The following WDR37 variants were observed in gnomAD, a reference collection of about 807,000 sequenced individuals.
WDR37 encodes the protein WD repeat-containing protein 37.
WDR37 carries 19 observed loss-of-function variants against 62.9 expected under a neutral mutation model. That is an observed-to-expected ratio of 0.30 (90% CI 0.21 to 0.44). The LOEUF (loss-of-function observed/expected upper bound fraction) is 0.44, where lower values mean the gene tolerates loss of function less well. Ranked by LOEUF, WDR37 falls within the 20% of genes least tolerant of loss-of-function variation. WDR37 has a pLI of 1.00. For missense variants in WDR37, 474 were observed against 657.6 expected (o/e 0.72, Z 3.05); for synonymous variants, 250 against 260.9 (o/e 0.96, Z 0.40).
intron 11 of WDR37, among the ~76,000 whole-genome samples, chr10:1,120,379 G>A (rs11250271): frequency 0.12 from 18,082 of 152,232 alleles, 1,200 homozygotes; most frequent in Middle Eastern, 0.19. Flanking sequence ...CCTCCGAGGG[G>A]CACCCGGGGG....
intron 11 of WDR37, among the ~76,000 whole-genome samples, chr10:1,109,786 T>G (rs1488802646): frequency 6.6e-6 from 1 of 152,216 alleles, no homozygotes; most frequent in African/African-American, 2.4e-5. Flanking sequence ...ACAATGGTAG[T>G]TTTTTAGAGA....
intron 1 of WDR37, among the ~76,000 whole-genome samples, chr10:1,058,409 C>A (rs1337878021): frequency 6.6e-6 from 1 of 152,190 alleles, no homozygotes; most frequent in Non-Finnish European, 1.5e-5. Context: ...TTAGGCTGTT[C>A]ACTTTGGGCA....
At chr10:1,074,077 C>G (rs1833798566) in intron 2 of WDR37, among the ~76,000 whole-genome samples, 1 of 152,192 alleles carries the variant, frequency 6.6e-6, no homozygotes, top group Non-Finnish European at 1.5e-5. Context: ...TAGCCAGTGT[C>G]CCGGGACATG....
chr10:1,132,347 T>C lies in WDR37; in HGVS notation c.*3003T>C, dbSNP rs764407808. The C allele has an allele frequency of 1.0e-4, 16 of 152,386 alleles. No homozygotes were observed. Among genetic ancestry groups the C allele is most frequent in the Non-Finnish European group, 2.1e-4 (14 of 68,050 alleles). The allele number at this position is 152,386 out of a possible 1,614,324, so 9.4% of individuals were successfully genotyped here. On this transcript the variant is annotated 3_prime_UTR_variant, in exon 14 of 14. Coordinates refer to ENST00000263150, the MANE Select transcript of WDR37 (RefSeq NM_014023.4). ...AGTTGTGTTTTGTGTCTGTCTCTTA[T>C]GCTAACATTAAACAATACATAATTA...
intron 13 of WDR37, among the ~76,000 whole-genome samples, chr10:1,126,683 G>A (rs1589128536): frequency 3.3e-5 from 5 of 152,322 alleles, no homozygotes; most frequent in Admixed American, 6.5e-5. Flanking sequence ...TGCTCTGCAC[G>A]GGGTGTGAGC....
intron 1 of WDR37, among the ~76,000 whole-genome samples, chr10:1,058,352 G>T (rs966452678): frequency 6.6e-6 from 1 of 152,228 alleles, no homozygotes; most frequent in African/African-American, 2.4e-5. Flanking sequence ...GTATACAGGA[G>T]ATCTTGAGTG....
intron 13 of WDR37, among the ~76,000 whole-genome samples, chr10:1,125,304 C>T (rs1379762808): frequency 6.6e-6 from 1 of 152,064 alleles, no homozygotes; most frequent in East Asian, 1.9e-4. Flanking sequence ...CTCTGTCTCC[C>T]AGGTTCAAGC....
intron 7 of WDR37, among the ~76,000 whole-genome samples, chr10:1,092,872 CAAAAAAAAA>C (rs56220560): frequency 4.8e-5 from 2 of 41,970 alleles, no homozygotes; most frequent in East Asian, 9.6e-4. Flanking sequence ...CCCTATCTCA[CAAAAAAAAA>C]AAAAAAAAAA....
chr10:1,066,198 C>G (rs1321256609), intron 1 of WDR37, among the ~76,000 whole-genome samples: 1 of 152,148 alleles, frequency 6.6e-6, no homozygotes, highest in Non-Finnish European at 1.5e-5. Context: ...TCACTGCAAC[C>G]TCCGCCTCCC....
Position 1,083,981 on chromosome 10 carries a change from TTAGC to T in WDR37, c.397-419_397-416del, listed in dbSNP as rs1834113545. 2.0e-5 allele frequency among the ~76,000 whole-genome samples: 3 copies of T among 152,366 alleles called. No individual in the cohort carries two copies. In the East Asian group the frequency reaches 5.8e-4, roughly 29 times the overall value. On this transcript the variant is annotated intron_variant, in intron 5 of 13. Coordinates refer to ENST00000263150, the MANE Select transcript of WDR37 (RefSeq NM_014023.4). ...TGAACATGTACAGCGATCAGTGTCA[TTAGC>T]TAAAGTTAAGGGTTTGGGATGTCCT... is the stretch of plus-strand genomic sequence containing the variant.
At position 1,131,445 on chromosome 10, in the gene WDR37, C is replaced by G. The variant is rs1418770019; in HGVS notation, c.*2101C>G. 1 of 152,274 alleles carries G rather than the reference C, an allele frequency of 6.6e-6. No homozygotes were observed. The highest frequency in any genetic ancestry group is 1.9e-4 in the East Asian group (1 of 5,202). The allele number at this position is 152,274 out of a possible 1,614,324, so 9.4% of individuals were successfully genotyped here. A position where few individuals can be genotyped will look rare whatever the true frequency, so the allele number is the denominator to read the frequency against. On this transcript the variant is annotated 3_prime_UTR_variant, in exon 14 of 14. Coordinates refer to ENST00000263150, the MANE Select transcript of WDR37 (RefSeq NM_014023.4). Reference sequence around the variant, plus strand: ...TAAAAGTCAATATTCCTAGTGGCCACTGAGTTCCAGGCACACTGGTGCCCT... The same window carrying G: ...TAAAAGTCAATATTCCTAGTGGCCAGTGAGTTCCAGGCACACTGGTGCCCT...
chr10:1,057,241 C>T (rs1173268950), intron 1 of WDR37, among the ~76,000 whole-genome samples: 1 of 149,726 alleles, frequency 6.7e-6, no homozygotes, highest in African/African-American at 2.5e-5. Context: ...GTGGCGGTGC[C>T]AGAGGGACCA....
chr10:1,117,960 C>T (rs866266560), intron 11 of WDR37, among the ~76,000 whole-genome samples: 9 of 149,452 alleles, frequency 6.0e-5, no homozygotes, highest in African/African-American at 1.7e-4. Context: ...AGTCCCTGCA[C>T]ACATCTGAGC....
intron 11 of WDR37, among the ~76,000 whole-genome samples, chr10:1,111,086 C>T (rs1021141696): frequency 6.6e-6 from 1 of 152,254 alleles, no homozygotes; most frequent in Non-Finnish European, 1.5e-5. Context: ...ACCCCTTAAA[C>T]AGAGGCAGTA....
intron 11 of WDR37, among the ~76,000 whole-genome samples, chr10:1,118,487 G>A (rs1835473405): frequency 6.7e-6 from 1 of 148,670 alleles, no homozygotes; most frequent in Non-Finnish European, 1.5e-5. Context: ...ACACATCTGA[G>A]CTGCGTGCAC....
At chr10:1,095,635 G>T (rs1564505284) in intron 8 of WDR37, among the ~76,000 whole-genome samples, 1 of 152,174 alleles carries the variant, frequency 6.6e-6, no homozygotes, top group South Asian at 2.1e-4. Context: ...TCTGTGCCCC[G>T]CAGTGCTGTC....
chr10:1,059,246 GGCACTT>G (rs1833298029), intron 1 of WDR37, among the ~76,000 whole-genome samples: 1 of 152,060 alleles, frequency 6.6e-6, no homozygotes, highest in Non-Finnish European at 1.5e-5. Context: ...CATGGTGGCG[GGCACTT>G]GTAGTCCCAG....
intron 11 of WDR37, among the ~76,000 whole-genome samples, chr10:1,108,361 C>T (rs909554956): frequency 1.3e-5 from 2 of 152,110 alleles, no homozygotes; most frequent in African/African-American, 4.8e-5. Flanking sequence ...AGAATCCAAG[C>T]CTGCTCTTTT....
chr10:1,126,708 G>A (rs973636431), intron 13 of WDR37, among the ~76,000 whole-genome samples: 16 of 152,214 alleles, frequency 1.1e-4, no homozygotes, highest in Non-Finnish European at 1.2e-4. Context: ...GAACCTGCAG[G>A]CAGGCCGGGT....
Sources: gnomAD v4.1 joint callset for allele counts (sites outside exome capture counted in the v4.1 genomes callset) on GRCh38, gnomAD v4.1.1 for gene constraint, MANE v1.5 for transcripts, NCBI Gene and HGNC (gene_info 2026-07-23, HGNC 2026-07-21) for gene names.